The following MECOM variants were observed in gnomAD, a reference collection of about 807,000 sequenced individuals.
MECOM encodes the protein histone-lysine N-methyltransferase MECOM.
A neutral mutation model predicts 116.3 loss-of-function variants in MECOM; 13 were observed. That is an observed-to-expected ratio of 0.11 (90% CI 0.07 to 0.18). The LOEUF (loss-of-function observed/expected upper bound fraction) is 0.18. Among genes scored for constraint, MECOM ranks in the 10% least tolerant of loss-of-function variants. The pLI is 1.00. For missense variants in MECOM, 1,299 were observed against 1,509.0 expected, an observed-to-expected ratio of 0.86 and a Z score of 2.31; for synonymous variants, 528 against 535.2, an observed-to-expected ratio of 0.99 and a Z score of 0.19.
chr3:169,587,444 C>T (rs1273730436), intron 1 of MECOM, among the ~76,000 whole-genome samples: 1 of 148,808 alleles, frequency 6.7e-6, no homozygotes. Flanking sequence ...CACACACACA[C>T]ACACACACAC....
chr3:169,324,268 A>C (rs1164375030), intron 2 of MECOM, among the ~76,000 whole-genome samples: 1 of 152,202 alleles, frequency 6.6e-6, no homozygotes, highest in Non-Finnish European at 1.5e-5. Flanking sequence ...GAGGAAACCA[A>C]GCACACTCTC....
chr3:169,252,867 T>A lies in MECOM; in HGVS notation c.376-109035A>T, dbSNP rs145155677. ...GTTTGTTCAATATCTTACTCTATTCTCAAACTTTGGATTTGGCAAAACCAA... is the reference window on the plus strand; with the variant it reads ...GTTTGTTCAATATCTTACTCTATTCACAAACTTTGGATTTGGCAAAACCAA... On this transcript the variant is annotated intron_variant, in intron 2 of 16. Transcript: ENST00000651503. Among the ~76,000 whole-genome samples, 5 of 152,324 alleles carry A rather than the reference T, an allele frequency of 3.3e-5. No homozygotes were observed. The East Asian group carries it at 7.7e-4, about 24-fold the overall frequency.
chr3:169,179,622 TAA>T (rs1320057655), intron 2 of MECOM, among the ~76,000 whole-genome samples: 1 of 152,156 alleles, frequency 6.6e-6, no homozygotes, highest in Non-Finnish European at 1.5e-5. Flanking sequence ...ATCATGCCAC[TAA>T]AAGTTTTTAA....
rs766392982 is a variant in MECOM, at chr3:169,131,487, A to T, written c.555T>A (p.Leu185=). The part of the protein sequence containing the change: ...VVADIAPGEE[L]LLFMKSEDYP... ...AGTCTTCGCTCTTCATGAACAGCAG[A>T]AGCTCCTCTCCCGGCGCAATGTCTG... Residue 185 remains leucine, a synonymous_variant, in exon 4 of 17, where the codon CTT becomes CTA. Transcript: ENST00000651503. 2.5e-6 allele frequency: 4 copies of T among 1,613,994 alleles called. No homozygotes were observed. Among genetic ancestry groups the T allele is most frequent in the Non-Finnish European group, 2.5e-6 (3 of 1,180,020 alleles).
chr3:169,663,424 G>A lies in MECOM; in HGVS notation c.-52C>T, dbSNP rs1410939314. 1 of 1,563,962 alleles carries A rather than the reference G, an allele frequency of 6.4e-7. No individual in the cohort carries two copies. The highest frequency in any genetic ancestry group is 1.2e-5 in the South Asian group (1 of 86,034). On this transcript the variant is annotated 5_prime_UTR_variant, in exon 1 of 17. Coordinates refer to ENST00000651503, the MANE Select transcript of MECOM (RefSeq NM_004991.4). ...TGTGTGGTTGGGGCTTTTTTTTCTT[G>A]GATCCTTTCCTTCTTTTGCTCTCCC...
At chr3:169,558,595 C>T (rs1161055390) in intron 1 of MECOM, among the ~76,000 whole-genome samples, 1 of 152,150 alleles carries the variant, frequency 6.6e-6, no homozygotes, top group Non-Finnish European at 1.5e-5. Flanking sequence ...GTTTATCCAG[C>T]GAGTATCTCA....
chr3:169,273,492 T>C (rs1274879604), intron 2 of MECOM, among the ~76,000 whole-genome samples: 1 of 152,206 alleles, frequency 6.6e-6, no homozygotes, highest in Middle Eastern at 3.4e-3. Context: ...ACCTCCCCCA[T>C]CAACACTAAA....
intron 2 of MECOM, among the ~76,000 whole-genome samples, chr3:169,167,422 T>C (rs1174765230): frequency 1.3e-5 from 2 of 152,120 alleles, no homozygotes; most frequent in African/African-American, 2.4e-5. Flanking sequence ...AAATAGAGCA[T>C]TACTCCAAGA....
intron 1 of MECOM, among the ~76,000 whole-genome samples, chr3:169,431,463 G>T (rs559239330): frequency 5.3e-5 from 8 of 152,230 alleles, no homozygotes; most frequent in African/African-American, 1.9e-4. Context: ...AGAATTATAG[G>T]TCTCTAAGAC....
intron 3 of MECOM, 127 bp downstream of exon 3, chr3:169,143,571 A>G (rs536053858): frequency 1.2e-6 from 1 of 823,760 alleles, no homozygotes; most frequent in Admixed American, 3.8e-5. Flanking sequence ...ATATTTGTGC[A>G]TTATCTTTCA....
chr3:169,447,352 G>C (rs1936355562), intron 1 of MECOM, among the ~76,000 whole-genome samples: 1 of 152,092 alleles, frequency 6.6e-6, no homozygotes, highest in Admixed American at 6.6e-5. Flanking sequence ...TTAGTTGACT[G>C]GGGGAGGGAA....
chr3:169,301,776 T>A (rs1014607533), intron 2 of MECOM, among the ~76,000 whole-genome samples: 6 of 152,198 alleles, frequency 3.9e-5, no homozygotes, highest in African/African-American at 1.4e-4. Flanking sequence ...TTACTGAGAA[T>A]AATACCAAGG....
chr3:169,151,124 T>C (rs1392029890), intron 2 of MECOM, among the ~76,000 whole-genome samples: 1 of 152,156 alleles, frequency 6.6e-6, no homozygotes, highest in Non-Finnish European at 1.5e-5. Flanking sequence ...TTCATGGTCG[T>C]CCCAGAAGTA....
intron 2 of MECOM, among the ~76,000 whole-genome samples, chr3:169,337,503 GA>G (rs201169333): frequency 6.6e-6 from 1 of 151,458 alleles, no homozygotes; most frequent in Non-Finnish European, 1.5e-5. Context: ...ACTGTAATAA[GA>G]AAAAAAAATA....
At chr3:169,249,611 G>T (rs529013463) in intron 2 of MECOM, among the ~76,000 whole-genome samples, 1 of 152,054 alleles carries the variant, frequency 6.6e-6, no homozygotes, top group African/African-American at 2.4e-5. Flanking sequence ...ATAAAATTTC[G>T]TGGTAATCAA....
Position 169,336,255 on chromosome 3 carries a change from T to C in MECOM, c.375+44932A>G, listed in dbSNP as rs558393342. ...TTGTAATAACATTTCCTGAGTACAA[T>C]CTAGGGAGCTTCTGGGGGGCCAAAT... On this transcript the variant is annotated intron_variant, in intron 2 of 16. Transcript: ENST00000651503. Among the ~76,000 whole-genome samples, 31 of 152,106 alleles carry C rather than the reference T, an allele frequency of 2.0e-4. 1 individual carries two copies. In the East Asian group the frequency reaches 4.4e-3, roughly 22 times the overall value.
At chr3:169,100,099 T>C (rs1468936752) in intron 12 of MECOM, among the ~76,000 whole-genome samples, 30 of 65,796 alleles carry the variant, frequency 4.6e-4, no homozygotes, top group Non-Finnish European at 8.8e-4. Flanking sequence ...CTTTCTTTCT[T>C]TCTTTTTTTT....
At chr3:169,319,586 T>C (rs1720477882) in intron 2 of MECOM, among the ~76,000 whole-genome samples, 1 of 152,182 alleles carries the variant, frequency 6.6e-6, no homozygotes, top group Non-Finnish European at 1.5e-5. Context: ...CACCACTCTT[T>C]AGTGTCTATA....
At chr3:169,226,971 G>C (rs1440195836) in intron 2 of MECOM, among the ~76,000 whole-genome samples, 1 of 152,180 alleles carries the variant, frequency 6.6e-6, no homozygotes. Context: ...CTATGTTTAA[G>C]AGGTGTCTAA....
Sources: allele counts gnomAD v4.1 joint callset (sites outside exome capture counted in the v4.1 genomes callset), GRCh38; gene constraint gnomAD v4.1.1; transcripts MANE v1.5; gene names NCBI Gene and HGNC (gene_info 2026-07-23, HGNC 2026-07-21).